FAM13A: variants seen among roughly 807,000 people sequenced by gnomAD.
FAM13A encodes protein FAM13A.
A neutral mutation model predicts 129.6 loss-of-function variants in FAM13A; 76 were observed. The ratio of observed to expected loss-of-function variants is 0.59; its 90% CI spans 0.49 to 0.71. The LOEUF (loss-of-function observed/expected upper bound fraction) is 0.71, where lower values mean the gene tolerates loss of function less well. Among genes scored for constraint, FAM13A ranks in the 30% least tolerant of loss-of-function variants. The pLI is 0.00. For synonymous variants in FAM13A, 443 were observed against 449.9 expected (o/e 0.98, Z 0.20); for missense variants, 1,108 against 1,249.3 (o/e 0.89, Z 1.70).
At chr4:88,944,656 C>A (rs889968390) in intron 4 of FAM13A, among the ~76,000 whole-genome samples, 1 of 152,194 alleles carries the variant, frequency 6.6e-6, no homozygotes, top group Non-Finnish European at 1.5e-5. Flanking sequence ...AATCCCAGCA[C>A]TTTGGGAGGC....
chr4:88,744,203 T>TG (rs1484176513), intron 19 of FAM13A, among the ~76,000 whole-genome samples: 1 of 152,226 alleles, frequency 6.6e-6, no homozygotes, highest in Non-Finnish European at 1.5e-5. Flanking sequence ...AGATGGAGTA[T>TG]GCTTCTGGTT....
At chr4:88,944,903 C>CAAA (rs35402009) in intron 4 of FAM13A, among the ~76,000 whole-genome samples, 1 of 137,382 alleles carries the variant, frequency 7.3e-6, no homozygotes, top group African/African-American at 2.8e-5. Context: ...AACTCTGTCT[C>CAAA]AAAAAAAAAA....
At chr4:88,893,930 T>TA (rs1745858310) in intron 6 of FAM13A, among the ~76,000 whole-genome samples, 1 of 151,938 alleles carries the variant, frequency 6.6e-6, no homozygotes, top group Non-Finnish European at 1.5e-5. Flanking sequence ...TGGCCCGACC[T>TA]AACTGCAAAG....
At chr4:88,873,349 G>A (rs551911071) in intron 6 of FAM13A, among the ~76,000 whole-genome samples, 1 of 152,142 alleles carries the variant, frequency 6.6e-6, no homozygotes, top group African/African-American at 2.4e-5. Context: ...AATGAATCCA[G>A]GAGCTGGTTT....
intron 7 of FAM13A, among the ~76,000 whole-genome samples, chr4:88,817,170 T>C (rs191616569): frequency 6.6e-6 from 1 of 152,360 alleles, no homozygotes; most frequent in Admixed American, 6.5e-5. Context: ...ACTGATGATA[T>C]GATTACATGC....
chr4:88,735,000 T>C (rs899183723), intron 21 of FAM13A, among the ~76,000 whole-genome samples: 1 of 152,202 alleles, frequency 6.6e-6, no homozygotes, highest in Non-Finnish European at 1.5e-5. Context: ...AACAGCAACA[T>C]TGATAAACTG....
chr4:88,749,970 C>A, intron 15 of FAM13A, 61 bp from the exon 16 acceptor site: 1 of 1,585,048 alleles, frequency 6.3e-7, no homozygotes, highest in Non-Finnish European at 8.6e-7. Context: ...CCTAGAGGGG[C>A]CCTGGGGAAG....
rs979982633 is a variant in FAM13A, at chr4:88,726,901, C to T, written c.*1632G>A. 3 of 152,634 alleles carry T rather than the reference C, an allele frequency of 2.0e-5. No individual in the cohort carries two copies. The highest frequency in any genetic ancestry group is 2.9e-5 in the Non-Finnish European group (2 of 68,038). The allele number at this position is 152,634 out of a possible 1,614,324, so 9.5% of individuals were successfully genotyped here. A position where few individuals can be genotyped will look rare whatever the true frequency, so the allele number is the denominator to read the frequency against. ...AAGCTTCCATACGATTAAGAGCAAA[C>T]TTAAAGGCATTCTTTTTCCCCATCC... On this transcript the variant is annotated 3_prime_UTR_variant, in exon 24 of 24. Transcript: ENST00000264344.
intron 6 of FAM13A, among the ~76,000 whole-genome samples, chr4:88,867,313 G>C (rs1173946701): frequency 6.6e-6 from 1 of 152,138 alleles, no homozygotes; most frequent in African/African-American, 2.4e-5. Flanking sequence ...CAGCCTTCTT[G>C]TGCTTTAGAA....
At chr4:88,943,111 T>C (rs761741008) in intron 4 of FAM13A, among the ~76,000 whole-genome samples, 1 of 152,250 alleles carries the variant, frequency 6.6e-6, no homozygotes, top group Non-Finnish European at 1.5e-5. Context: ...TTTGGTTAAA[T>C]GAATGACTAT....
At chr4:89,025,195 C>G (rs1767764131) in intron 2 of FAM13A, among the ~76,000 whole-genome samples, 2 of 144,552 alleles carry the variant, frequency 1.4e-5, no homozygotes, top group African/African-American at 5.1e-5. Context: ...TATGCACACA[C>G]TTGTATGTGC....
chr4:88,764,400 G>A (rs1341653407), intron 13 of FAM13A, among the ~76,000 whole-genome samples: 1 of 151,994 alleles, frequency 6.6e-6, no homozygotes, highest in East Asian at 1.9e-4. Flanking sequence ...TACTTGTTTT[G>A]ACTTCTCAAC....
intron 5 of FAM13A, among the ~76,000 whole-genome samples, chr4:88,926,645 CT>C (rs1752229117): frequency 6.6e-6 from 1 of 152,106 alleles, no homozygotes; most frequent in African/African-American, 2.4e-5. Flanking sequence ...CCTATAATCG[CT>C]CTATAAAACA....
intron 5 of FAM13A, among the ~76,000 whole-genome samples, chr4:88,912,362 T>G (rs1481091149): frequency 6.6e-6 from 1 of 152,128 alleles, no homozygotes; most frequent in Admixed American, 6.5e-5. Flanking sequence ...TCTTGGACAT[T>G]AAAACTCCAG....
intron 5 of FAM13A, among the ~76,000 whole-genome samples, chr4:88,928,948 C>T (rs891232985): frequency 6.6e-6 from 1 of 152,112 alleles, no homozygotes; most frequent in Admixed American, 6.6e-5. Context: ...ATTCTTCTCT[C>T]TTCCTCCTTT....
At position 88,806,510 on chromosome 4, in the gene FAM13A, C is replaced by T. The variant is rs959990130; in HGVS notation, c.1008-1458G>A. On this transcript the variant is annotated intron_variant, in intron 7 of 23. Coordinates refer to ENST00000264344, the MANE Select transcript of FAM13A (RefSeq NM_014883.4). ...ACACACAAGCAAACAAAATCGTGTCCTGGAAGTTGAATAGGTCTTAACATT... is the reference window on the plus strand; with the variant it reads ...ACACACAAGCAAACAAAATCGTGTCTTGGAAGTTGAATAGGTCTTAACATT... Among the ~76,000 whole-genome samples, 5 of 152,136 alleles carry T rather than the reference C, an allele frequency of 3.3e-5. No homozygotes were observed. The East Asian group carries it at 7.7e-4, about 23-fold the overall frequency.
intron 6 of FAM13A, among the ~76,000 whole-genome samples, chr4:88,868,095 TGCAG>T (rs1291831514): frequency 6.6e-6 from 1 of 152,192 alleles, no homozygotes; most frequent in Admixed American, 6.5e-5. Flanking sequence ...AAAGATGATC[TGCAG>T]GCAGTTTTTC....
In FAM13A at chr4:88,726,525, T is replaced by C. The variant is rs1736505992; in HGVS notation, c.*2008A>G. ...GCTTAAAAAAAAATTCTGTAGCGTATTTTTCCAAAAACATAGTCTTAAACA... is the reference window on the plus strand; with the variant it reads ...GCTTAAAAAAAAATTCTGTAGCGTACTTTTCCAAAAACATAGTCTTAAACA... On this transcript the variant is annotated 3_prime_UTR_variant, in exon 24 of 24. Transcript: ENST00000264344. 1 of 152,614 alleles carries C rather than the reference T, an allele frequency of 6.6e-6. No individual in the cohort carries two copies. The highest frequency in any genetic ancestry group is 2.1e-4 in the South Asian group (1 of 4,824). The allele number at this position is 152,614 out of a possible 1,614,324, so 9.5% of individuals were successfully genotyped here. A position where few individuals can be genotyped will look rare whatever the true frequency, so the allele number is the denominator to read the frequency against.
chr4:88,750,841 C>T (rs1322358175), intron 14 of FAM13A, among the ~76,000 whole-genome samples: 1 of 152,230 alleles, frequency 6.6e-6, no homozygotes, highest in Non-Finnish European at 1.5e-5. Flanking sequence ...ATCTGTCTAC[C>T]TCTCGTTTCC....
Sources: allele counts gnomAD v4.1 joint callset (sites outside exome capture counted in the v4.1 genomes callset), GRCh38; gene constraint gnomAD v4.1.1; transcripts MANE v1.5; gene names NCBI Gene and HGNC (gene_info 2026-07-23, HGNC 2026-07-21).